The following PLAAT3 variants were observed in gnomAD, a reference collection of about 807,000 sequenced individuals.
The protein encoded by PLAAT3 is Ca-independent phospholipase A1/2.
A neutral mutation model predicts 16.7 loss-of-function variants in PLAAT3; 21 were observed. That is an observed-to-expected ratio of 1.26 (90% confidence interval 0.89 to 1.81). PLAAT3 has a LOEUF of 1.81. Ranked by LOEUF, PLAAT3 falls within the 40% of genes most tolerant of loss-of-function variation. The pLI is 0.00. For synonymous variants in PLAAT3, 76 were observed against 81.7 expected (o/e 0.93, Z 0.38); for missense variants, 219 against 213.7 (o/e 1.02, Z -0.16).
rs1044795405 is a variant in PLAAT3, at chr11:63,599,041, G to A, written c.16-878C>T. The stretch of plus-strand genomic sequence containing the variant: ...ATCCCATCCATTCAACATTATCCAC[G>A]TCCATTCAGCATTAACCACATCCCA... On this transcript the variant is annotated intron_variant, in intron 2 of 4. Transcript: ENST00000415826. 6.6e-5 allele frequency among the ~76,000 whole-genome samples: 10 copies of A among 152,274 alleles called. No homozygotes were observed. In the East Asian group the frequency reaches 1.2e-3, roughly 18 times the overall value.
intron 3 of PLAAT3, among the ~76,000 whole-genome samples, chr11:63,594,757 G>A (rs540002994): frequency 1.1e-4 from 16 of 152,256 alleles, no homozygotes; most frequent in East Asian, 3.9e-4. Flanking sequence ...ATGTGAGGCC[G>A]GGCGTTTGAT....
intron 2 of PLAAT3, among the ~76,000 whole-genome samples, chr11:63,602,575 A>G (rs1010649292): frequency 1.3e-5 from 2 of 152,018 alleles, no homozygotes; most frequent in African/African-American, 4.8e-5. Context: ...CAAGCTAAGA[A>G]TGGTTTGTAC....
intron 2 of PLAAT3, among the ~76,000 whole-genome samples, chr11:63,605,270 C>T (rs1203358478): frequency 1.3e-5 from 2 of 151,784 alleles, no homozygotes; most frequent in African/African-American, 4.8e-5. Flanking sequence ...TGGTGGAGCA[C>T]GCCTGTAATC....
intron 4 of PLAAT3, among the ~76,000 whole-genome samples, chr11:63,586,250 C>G (rs990566838): frequency 6.6e-6 from 1 of 152,188 alleles, no homozygotes; most frequent in Non-Finnish European, 1.5e-5. Flanking sequence ...TCTCCTGCCT[C>G]AGCCTCCTGA....
chr11:63,612,890 C>G (rs985149482), intron 2 of PLAAT3, among the ~76,000 whole-genome samples: 3 of 152,108 alleles, frequency 2.0e-5, no homozygotes, highest in African/African-American at 4.8e-5. Context: ...TCTTTCTGGA[C>G]ATTATTACTA....
intron 2 of PLAAT3, among the ~76,000 whole-genome samples, chr11:63,607,604 G>T (rs958690503): frequency 6.6e-6 from 1 of 151,866 alleles, no homozygotes; most frequent in African/African-American, 2.4e-5. Context: ...TTTTTGTTTC[G>T]GTCTTGAAAG....
chr11:63,615,044 A>ATG (rs1425773139), upstream of PLAAT3, among the ~76,000 whole-genome samples: 6 of 20,578 alleles, frequency 2.9e-4, no homozygotes, highest in Admixed American at 3.2e-3. Flanking sequence ...ATATATATGT[A>ATG]TATATATGTG....
chr11:63,602,056 G>C (rs1224741883), intron 2 of PLAAT3, among the ~76,000 whole-genome samples: 1 of 151,460 alleles, frequency 6.6e-6, no homozygotes, highest in Non-Finnish European at 1.5e-5. Context: ...GGGAGGCCGA[G>C]GCAGGCAGAT....
chr11:63,601,134 A>G lies in PLAAT3; in HGVS notation c.16-2971T>C, dbSNP rs1409619293. Among the ~76,000 whole-genome samples, 3 of 146,764 alleles carry G rather than the reference A, an allele frequency of 2.0e-5. No homozygotes were observed. In the East Asian group the frequency reaches 6.0e-4, roughly 30 times the overall value. On this transcript the variant is annotated intron_variant, in intron 2 of 4. Transcript: ENST00000415826. ...CAGTGGCACGATCTCGGCTCACTGC[A>G]AGCTCCGCTTCCCGGGTTCATGTCA...
intron 4 of PLAAT3, among the ~76,000 whole-genome samples, chr11:63,587,869 G>A (rs1462718353): frequency 6.6e-6 from 1 of 152,102 alleles, no homozygotes; most frequent in African/African-American, 2.4e-5. Flanking sequence ...TTTCTAGGAT[G>A]CTAGTAAAGA....
At chr11:63,593,772 G>C (rs1312430244) in intron 3 of PLAAT3, among the ~76,000 whole-genome samples, 1 of 152,174 alleles carries the variant, frequency 6.6e-6, no homozygotes, top group East Asian at 1.9e-4. Flanking sequence ...TAGAGACGGG[G>C]TTTCGCCATG....
intron 3 of PLAAT3, among the ~76,000 whole-genome samples, chr11:63,592,185 G>C (rs1215742857): frequency 6.7e-6 from 1 of 150,072 alleles, no homozygotes; most frequent in Admixed American, 6.6e-5. Flanking sequence ...TTCTTATTTT[G>C]AGACAGAGTC....
chr11:63,600,583 G>GGTTTT (rs552147174), intron 2 of PLAAT3, among the ~76,000 whole-genome samples: 1 of 132,624 alleles, frequency 7.5e-6, no homozygotes, highest in Non-Finnish European at 1.6e-5. Flanking sequence ...TGGTTTTTTT[G>GGTTTT]TTTTTTTTGT....
At chr11:63,615,897 G>A (rs1282447144), upstream of PLAAT3, among the ~76,000 whole-genome samples, 1 of 151,360 alleles carries the variant, frequency 6.6e-6, no homozygotes, top group Non-Finnish European at 1.5e-5. Context: ...CGAACTCCTG[G>A]CCCCAAATGA....
Position 63,598,160 on chromosome 11 carries a change from C to G in PLAAT3, c.19G>C (p.Glu7Gln). 1 of 1,612,528 alleles carries G rather than the reference C, an allele frequency of 6.2e-7. No homozygotes were observed. Among genetic ancestry groups the G allele is most frequent in the South Asian group, 1.1e-5 (1 of 91,042 alleles). Residue 7 changes from glutamate to glutamine, a missense_variant, in exon 3 of 5, where the codon GAG (glutamate) becomes CAG (glutamine). Glu to Gln is a conservative substitution (Grantham distance 29). Coordinates refer to ENST00000415826, the MANE Select transcript of PLAAT3 (RefSeq NM_001128203.2). MRAPIP[E>Q]PKPGDLIEIF... ...TCAATCAGGTCTCCAGGCTTAGGCT[C>G]TGGCTGCAAAACCAAGAACAGGGCT...
chr11:63,592,696 T>C (rs1938183650), intron 3 of PLAAT3, among the ~76,000 whole-genome samples: 1 of 152,142 alleles, frequency 6.6e-6, no homozygotes, highest in South Asian at 2.1e-4. Flanking sequence ...GTAAGTTTCT[T>C]AACTTCTCTG....
intron 3 of PLAAT3, 71 bp from the exon 4 acceptor site, chr11:63,590,439 C>T: frequency 5.6e-6 from 8 of 1,431,620 alleles, no homozygotes; most frequent in Non-Finnish European, 6.8e-6. Flanking sequence ...AGCTGGCCCC[C>T]AGCCGGGCAT....
rs543129716 is a variant in PLAAT3, at chr11:63,613,883, G to A, written c.15+117C>T. On this transcript the variant is annotated intron_variant, in intron 2 of 4. Transcript: ENST00000415826. ...GATGCCTCGCAGCTGACAGAGGTGC[G>A]GGCCCCACATCCTCGAGGCTCCTCT... The A allele has an allele frequency of 1.3e-5, 9 of 679,650 alleles. No individual in the cohort carries two copies. In the South Asian group the frequency reaches 1.5e-4, roughly 12 times the overall value. The allele number at this position is 679,650 out of a possible 1,614,324, so 42.1% of individuals were successfully genotyped here.
chr11:63,609,748 T>C (rs763166440), intron 2 of PLAAT3, among the ~76,000 whole-genome samples: 5 of 152,134 alleles, frequency 3.3e-5, no homozygotes, highest in Non-Finnish European at 5.9e-5. Context: ...GGGGGAAAGA[T>C]ACTGGCAGCT....
Sources: allele counts gnomAD v4.1 joint callset (sites outside exome capture counted in the v4.1 genomes callset), GRCh38; gene constraint gnomAD v4.1.1; transcripts MANE v1.5; gene names NCBI Gene and HGNC (gene_info 2026-07-23, HGNC 2026-07-21).